Variants in KALRN observed in about 807,000 individuals in gnomAD.
KALRN encodes the protein kalirin.
In KALRN, 70 loss-of-function variants were observed where a neutral mutation model predicts 353.7. The observed-to-expected ratio is 0.20, with a 90% confidence interval of 0.16 to 0.24. The LOEUF is 0.24. Among genes scored for constraint, KALRN ranks in the 10% least tolerant of loss-of-function variants. The pLI, the probability that KALRN is intolerant of heterozygous loss-of-function variation, is 1.00. For missense variants in KALRN, 2,791 were observed against 3,756.7 expected, an observed-to-expected ratio of 0.74 and a Z score of 6.72; for synonymous variants, 1,391 against 1,434.8, an observed-to-expected ratio of 0.97 and a Z score of 0.69.
chr3:124,134,637 A>G (rs1471088869), intron 1 of KALRN, among the ~76,000 whole-genome samples: 1 of 152,208 alleles, frequency 6.6e-6, no homozygotes. Flanking sequence ...TTGACAAAGG[A>G]CTAATATCCA....
At chr3:124,439,145 C>T (rs1037454248) in intron 18 of KALRN, 108 bp downstream of exon 18, 2 of 1,036,528 alleles carry the variant, frequency 1.9e-6, no homozygotes, top group South Asian at 1.7e-5. Context: ...CTCTCTTTCT[C>T]TTTCTCTCTC....
In KALRN at chr3:124,413,611, G is replaced by A; in HGVS notation, c.2488G>A (p.Val830Ile). The change falls in exon 14 of 60, where the codon GTT (valine) becomes ATT (isoleucine). Residue 830 changes from valine (V) to isoleucine (I), a missense_variant. Coordinates refer to ENST00000682506, the MANE Select transcript of KALRN (RefSeq NM_001388419.1). The stretch of plus-strand genomic sequence containing the variant: ...AGCCATGAACAACATGACCTTTGAG[G>A]TTATCCAGCAGGGACAGGATCTGCA... ...KLAMNNMTFE[V>I]IQQGQDLHQY... 6.2e-7 allele frequency: 1 copy of A among 1,614,142 alleles called. No homozygotes were observed. The highest frequency in any genetic ancestry group is 8.5e-7 in the Non-Finnish European group (1 of 1,180,020).
intron 2 of KALRN, among the ~76,000 whole-genome samples, chr3:124,233,410 A>G (rs2079400600): frequency 6.6e-6 from 1 of 152,186 alleles, no homozygotes; most frequent in African/African-American, 2.4e-5. Context: ...TATCACGTCA[A>G]AGAACCAGGG....
intron 1 of KALRN, among the ~76,000 whole-genome samples, chr3:124,076,075 G>C (rs1420369493): frequency 6.6e-6 from 1 of 152,220 alleles, no homozygotes; most frequent in East Asian, 1.9e-4. Flanking sequence ...ATCTCTGCAG[G>C]ACAGACTAAG....
chr3:124,561,241 T>C (rs946207592), intron 33 of KALRN, among the ~76,000 whole-genome samples: 2 of 152,206 alleles, frequency 1.3e-5, no homozygotes, highest in Non-Finnish European at 2.9e-5. Context: ...GAGTGAAGAC[T>C]GCATTTAATG....
chr3:124,434,993 C>G (rs993468954), intron 17 of KALRN, among the ~76,000 whole-genome samples: 1 of 152,212 alleles, frequency 6.6e-6, no homozygotes, highest in Non-Finnish European at 1.5e-5. Flanking sequence ...CTCTTGTCCT[C>G]CTTGACCTGA....
chr3:124,302,643 A>C (rs2077358603), intron 6 of KALRN, among the ~76,000 whole-genome samples: 1 of 152,214 alleles, frequency 6.6e-6, no homozygotes, highest in Non-Finnish European at 1.5e-5. Flanking sequence ...TGAGAGTATT[A>C]ATTTGCTAGG....
At chr3:124,215,990 A>G (rs1223549344) in intron 1 of KALRN, among the ~76,000 whole-genome samples, 2 of 152,142 alleles carry the variant, frequency 1.3e-5, no homozygotes, top group South Asian at 4.1e-4. Context: ...CATCCCTCCA[A>G]TGGCGGGGGT....
At chr3:124,111,157 C>A (rs1390254521) in intron 1 of KALRN, among the ~76,000 whole-genome samples, 1 of 152,166 alleles carries the variant, frequency 6.6e-6, no homozygotes, top group East Asian at 1.9e-4. Flanking sequence ...CAGCCTGCCA[C>A]TACAAGAAAA....
At chr3:124,657,663 A>G (rs2289426) in intron 40 of KALRN, 71 bp from the exon 41 acceptor site, 12 of 1,388,110 alleles carry the variant, frequency 8.6e-6, no homozygotes, top group Non-Finnish European at 1.2e-5. Flanking sequence ...TCTGTAATTC[A>G]TCTTATTATT....
At chr3:124,190,799 G>C (rs2074815834) in intron 1 of KALRN, among the ~76,000 whole-genome samples, 1 of 152,188 alleles carries the variant, frequency 6.6e-6, no homozygotes, top group Non-Finnish European at 1.5e-5. Context: ...CAGCCAATCA[G>C]TTCTTCAGCA....
intron 1 of KALRN, among the ~76,000 whole-genome samples, chr3:124,198,935 A>G (rs1312610392): frequency 6.6e-6 from 1 of 152,238 alleles, no homozygotes. Context: ...TGGAAGTACC[A>G]GGAAGCCAGA....
Position 124,657,663 on chromosome 3 carries a change from A to T in KALRN, c.5967-71A>T, listed in dbSNP as rs2289426. On this transcript the variant is annotated intron_variant, in intron 40 of 59. Transcript: ENST00000682506. ...CTTAGGGGAGAGTCTTCTGTAATTC[A>T]TCTTATTATTGAGAAATAATACAGT... The T allele has an allele frequency of 0.03, 42,240 of 1,388,130 alleles. 4,948 individuals carry two copies. In the East Asian group the frequency reaches 0.39, roughly 13 times the overall value. 86.0% of individuals were successfully genotyped at this position (1,388,130 alleles called of 1,614,324 possible). A position where few individuals can be genotyped will look rare whatever the true frequency, so the allele number is the denominator to read the frequency against.
At chr3:124,632,288 G>T (rs1051443457) in intron 34 of KALRN, 132 bp from the exon 35 acceptor site, 194 of 790,110 alleles carry the variant, frequency 2.5e-4, no homozygotes, top group Non-Finnish European at 5.6e-5. Context: ...GGGTTCTCTG[G>T]ACTGGGGTCT....
At chr3:124,351,685 T>G (rs1236629965) in intron 10 of KALRN, among the ~76,000 whole-genome samples, 1 of 152,192 alleles carries the variant, frequency 6.6e-6, no homozygotes, top group Non-Finnish European at 1.5e-5. Flanking sequence ...GGTCAGTCTT[T>G]GTAGTAAAGA....
chr3:124,177,883 C>T (rs28558068), intron 1 of KALRN, among the ~76,000 whole-genome samples: 42,252 of 152,066 alleles, frequency 0.28, 6,456 homozygotes, highest in East Asian at 0.47. Flanking sequence ...CAGCCCCAAT[C>T]TAATCCATGG....
chr3:124,619,792 A>T (rs605385), intron 34 of KALRN, among the ~76,000 whole-genome samples: 1 of 151,700 alleles, frequency 6.6e-6, no homozygotes, highest in Non-Finnish European at 1.5e-5. Context: ...CAGCCTGATT[A>T]TTCTATTTTT....
chr3:124,421,486 C>T (rs984021354), intron 14 of KALRN, among the ~76,000 whole-genome samples: 1 of 152,100 alleles, frequency 6.6e-6, no homozygotes, highest in African/African-American at 2.4e-5. Flanking sequence ...CTCATTTAAT[C>T]CCACAAGTTT....
intron 6 of KALRN, among the ~76,000 whole-genome samples, chr3:124,304,574 T>C (rs2077535066): frequency 6.6e-6 from 1 of 152,216 alleles, no homozygotes; most frequent in Non-Finnish European, 1.5e-5. Flanking sequence ...CTGTTATCCA[T>C]TGAAACTAGT....
Sources: gnomAD v4.1 joint callset for allele counts (sites outside exome capture counted in the v4.1 genomes callset) on GRCh38, gnomAD v4.1.1 for gene constraint, MANE v1.5 for transcripts, NCBI Gene and HGNC (gene_info 2026-07-23, HGNC 2026-07-21) for gene names.